The following CHD1L variants were observed in gnomAD, a reference collection of about 807,000 sequenced individuals.
CHD1L encodes the protein chromodomain helicase DNA binding protein 1 like.
A neutral mutation model predicts 115.9 loss-of-function variants in CHD1L; 118 were observed. The ratio of observed to expected loss-of-function variants is 1.02; its 90% CI spans 0.88 to 1.19. CHD1L has a LOEUF of 1.19. Ranked by LOEUF, CHD1L falls within the 50% of genes most tolerant of loss-of-function variation. CHD1L has a pLI of 0.00. For synonymous variants in CHD1L, 411 were observed against 387.1 expected (o/e 1.06, Z -0.72); for missense variants, 1,179 against 1,065.3 (o/e 1.11, Z -1.49).
chr1:147,243,699 A>G (rs587746216), intron 1 of CHD1L, among the ~76,000 whole-genome samples: 2 of 152,158 alleles, frequency 1.3e-5, no homozygotes, highest in African/African-American at 4.8e-5. Context: ...CATCAGTAAT[A>G]ATACAGTCGT....
At chr1:147,225,122 A>T in the CHD1L span, 5 of 1,594,628 alleles carry the variant, frequency 3.1e-6, no homozygotes, top group African/African-American at 5.4e-5. Context: ...TTTTTCAAGG[A>T]AGACCTTGGC....
At chr1:147,204,440 G>A in the CHD1L span, 508 of 1,252,476 alleles carry the variant, frequency 4.1e-4, no homozygotes, top group Non-Finnish European at 5.5e-4. Flanking sequence ...ACAGAGGTAC[G>A]AAGTAGAGAT....
At chr1:147,251,196 A>G (rs373988509) in intron 1 of CHD1L, among the ~76,000 whole-genome samples, 4 of 152,198 alleles carry the variant, frequency 2.6e-5, no homozygotes, top group East Asian at 1.9e-4. Context: ...GTTTTGGTCT[A>G]CATCAGTTGG....
At chr1:147,253,132 A>C (rs1287362539) in intron 2 of CHD1L, among the ~76,000 whole-genome samples, 2 of 152,176 alleles carry the variant, frequency 1.3e-5, no homozygotes, top group Non-Finnish European at 2.9e-5. Flanking sequence ...TATTGGGGTA[A>C]AGCTGGCCTT....
At chr1:147,226,195 G>A in the CHD1L span, among the ~76,000 whole-genome samples, 1 of 151,550 alleles carries the variant, frequency 6.6e-6, no homozygotes, top group Admixed American at 6.6e-5. Flanking sequence ...AGTAGTAGCA[G>A]TGGTCTCCTT....
At chr1:147,175,478 G>A in the CHD1L span, 1 of 152,114 alleles carries the variant, frequency 6.6e-6, no homozygotes. Context: ...TGATGGGGGC[G>A]GTTTCCCCCA....
At chr1:147,228,802 A>C in the CHD1L span, among the ~76,000 whole-genome samples, 1 of 152,206 alleles carries the variant, frequency 6.6e-6, no homozygotes, top group Non-Finnish European at 1.5e-5. Flanking sequence ...CTGCATAAAC[A>C]TCTTCTTTTG....
chr1:147,202,512 G>T, the CHD1L span, among the ~76,000 whole-genome samples: 2 of 151,786 alleles, frequency 1.3e-5, no homozygotes, highest in East Asian at 3.9e-4. Context: ...TAGAGACAGG[G>T]TTTCACCATG....
chr1:147,294,293 CATT>C, intron 21 of CHD1L, 113 bp from the exon 22 acceptor site: 1 of 582,358 alleles, frequency 1.7e-6, no homozygotes, highest in East Asian at 3.1e-5. Flanking sequence ...ATATTTTTGA[CATT>C]ATAATTATGG....
the CHD1L span, chr1:147,201,229 A>G: frequency 5.6e-6 from 9 of 1,614,184 alleles, no homozygotes; most frequent in South Asian, 1.1e-5. Context: ...AATCAAGCCT[A>G]TGATTGCAAG....
intron 1 of CHD1L, among the ~76,000 whole-genome samples, chr1:147,250,488 T>C (rs587760859): frequency 1.4e-3 from 217 of 152,204 alleles, no homozygotes; most frequent in Non-Finnish European, 2.6e-3. Flanking sequence ...TCCTCCATCC[T>C]GCTGGGTGAG....
intron 3 of CHD1L, 82 bp downstream of exon 3, chr1:147,255,058 A>G (rs587644930): frequency 9.7e-7 from 1 of 1,035,706 alleles, no homozygotes; most frequent in East Asian, 2.5e-5. Flanking sequence ...ATATGATAAA[A>G]CAACCTATTG....
rs372927431 is a variant in CHD1L, at chr1:147,295,006, G to A, written c.2616-425G>A. On this transcript the variant is annotated intron_variant, in intron 22 of 22. Transcript: ENST00000369258. ...GTCATGATCTACTTTAGCTAGACTA[G>A]CGTTTTCTTCTAATGACCTCCTTGC... Among the ~76,000 whole-genome samples the A allele has an allele frequency of 1.5e-3, 229 of 152,240 alleles. 4 individuals carry two copies. In the South Asian group the frequency reaches 0.045, roughly 30 times the overall value.
chr1:147,232,805 A>C, the CHD1L span, among the ~76,000 whole-genome samples: 1 of 152,126 alleles, frequency 6.6e-6, no homozygotes, highest in African/African-American at 2.4e-5. Context: ...TCAGTGCTCA[A>C]TGGTGCCCAG....
At chr1:147,204,228 C>T in the CHD1L span, 4 of 1,366,470 alleles carry the variant, frequency 2.9e-6, no homozygotes, top group Non-Finnish European at 4.2e-6. Context: ...ATTTTTGCAT[C>T]TTTGACAGAT....
In CHD1L at chr1:147,285,398, A is replaced by G; in HGVS notation, c.1929A>G (p.Arg643=). Residue 643 remains arginine, a synonymous_variant, in exon 17 of 23, where the codon AGA becomes AGG. Coordinates refer to ENST00000369258, the MANE Select transcript of CHD1L (RefSeq NM_004284.6). ...RVLSPEELED[R]QKKRQEAAAK... ...TGAGTCCAGAAGAGCTGGAGGACAGACAGAAGAAAAGACAAGAAGCAGCTG... is the reference window on the plus strand; with the variant it reads ...TGAGTCCAGAAGAGCTGGAGGACAGGCAGAAGAAAAGACAAGAAGCAGCTG... The G allele has an allele frequency of 6.2e-7, 1 of 1,613,950 alleles. No individual in the cohort carries two copies. Among genetic ancestry groups the G allele is most frequent in the Non-Finnish European group, 8.5e-7 (1 of 1,179,856 alleles).
At chr1:147,286,978 C>CG (rs1683407568) in intron 18 of CHD1L, among the ~76,000 whole-genome samples, 1 of 102,612 alleles carries the variant, frequency 9.7e-6, no homozygotes, top group Non-Finnish European at 1.8e-5. Context: ...GCCCCATCCC[C>CG]CCTGTTATTC....
chr1:147,248,775 AC>A (rs1303946742), intron 1 of CHD1L, among the ~76,000 whole-genome samples: 1 of 152,222 alleles, frequency 6.6e-6, no homozygotes, highest in African/African-American at 2.4e-5. Context: ...AAAATCACAG[AC>A]TACTGATATT....
the CHD1L span, among the ~76,000 whole-genome samples, chr1:147,211,920 A>T: frequency 3.3e-5 from 5 of 152,266 alleles, no homozygotes; most frequent in Admixed American, 2.6e-4. Context: ...ACTTTTTTCC[A>T]TTTGGGGAGT....
Sources: allele counts gnomAD v4.1 joint callset (sites outside exome capture counted in the v4.1 genomes callset), GRCh38; gene constraint gnomAD v4.1.1; transcripts MANE v1.5; gene names NCBI Gene and HGNC (gene_info 2026-07-23, HGNC 2026-07-21).